Variants in DTNA observed in about 807,000 individuals in gnomAD.
The protein encoded by DTNA is dystrophin-related protein 3.
DTNA carries 43 observed loss-of-function variants against 100.7 expected under a neutral mutation model. The ratio of observed to expected loss-of-function variants is 0.43; its 90% CI spans 0.33 to 0.55. DTNA has a LOEUF of 0.55. Ranked by LOEUF, DTNA falls within the 20% of genes least tolerant of loss-of-function variation. The pLI, the probability that DTNA is intolerant of heterozygous loss-of-function variation, is 0.04. For synonymous variants in DTNA, 349 were observed against 347.9 expected, an observed-to-expected ratio of 1.00 and a Z score of -0.04; for missense variants, 798 against 953.9, an observed-to-expected ratio of 0.84 and a Z score of 2.15.
intron 8 of DTNA, among the ~76,000 whole-genome samples, chr18:34,819,287 T>C (rs1354002173): frequency 6.6e-6 from 1 of 152,240 alleles, no homozygotes; most frequent in Non-Finnish European, 1.5e-5. Context: ...GGAATTATTA[T>C]TGGGAACCAA....
chr18:34,825,330 A>G, intron 9 of DTNA: 1 of 1,609,324 alleles, frequency 6.2e-7, no homozygotes, highest in Non-Finnish European at 8.5e-7. Context: ...TCATGATCAT[A>G]AGTGGGGATG....
At chr18:34,809,279 G>A (rs1786026558) in intron 5 of DTNA, among the ~76,000 whole-genome samples, 1 of 152,080 alleles carries the variant, frequency 6.6e-6, no homozygotes, top group Non-Finnish European at 1.5e-5. Flanking sequence ...TCTTTTGCTG[G>A]CTTGCATTTT....
At chr18:34,629,367 C>T in intron 1 of DTNA, among the ~76,000 whole-genome samples, 1 of 152,172 alleles carries the variant, frequency 6.6e-6, no homozygotes, top group East Asian at 1.9e-4. Context: ...GTACAAAGAG[C>T]CAGTAAGTGT....
At chr18:34,846,664 GA>G (rs536450223) in intron 13 of DTNA, among the ~76,000 whole-genome samples, 65 of 145,228 alleles carry the variant, frequency 4.5e-4, no homozygotes, top group African/African-American at 1.4e-3. Flanking sequence ...TGAATGACCA[GA>G]AAAAAAAAAC....
intron 16 of DTNA, 24 bp downstream of exon 16, chr18:34,858,422 C>A (rs1185307479): frequency 1.1e-5 from 17 of 1,607,054 alleles, no homozygotes; most frequent in Middle Eastern, 1.7e-4. Flanking sequence ...CCCATGTCAT[C>A]TCAGGGAATA....
At chr18:34,652,065 CAAAA>C (rs1352298444) in intron 1 of DTNA, among the ~76,000 whole-genome samples, 3 of 144,940 alleles carry the variant, frequency 2.1e-5, no homozygotes, top group Non-Finnish European at 3.0e-5. Flanking sequence ...GACCCTGTCT[CAAAA>C]GAAAGAAAAG....
At position 34,766,529 on chromosome 18, in the gene DTNA, G is replaced by C. The variant is rs530485700; in HGVS notation, c.148+488G>C. Among the ~76,000 whole-genome samples the C allele has an allele frequency of 6.4e-3, 973 of 152,004 alleles. 6 individuals carry two copies. Among genetic ancestry groups the C allele is most frequent in the African/African-American group, 0.023 (932 of 41,420 alleles). On this transcript the variant is annotated intron_variant, in intron 3 of 22. Transcript: ENST00000444659. The stretch of plus-strand genomic sequence containing the variant: ...CACACTCCGGGGCCTGTTGTGGTGT[G>C]GGAGGAAGGGGGAGGGATAGCATTA...
intron 3 of DTNA, among the ~76,000 whole-genome samples, chr18:34,780,629 CTTCAAACAT>C (rs2094277889): frequency 6.6e-6 from 1 of 152,120 alleles, no homozygotes; most frequent in South Asian, 2.1e-4. Flanking sequence ...TCAGAATCTG[CTTCAAACAT>C]GGTCATAATC....
intron 1 of DTNA, among the ~76,000 whole-genome samples, chr18:34,530,560 C>T (rs1188597311): frequency 2.6e-5 from 4 of 152,034 alleles, no homozygotes; most frequent in Non-Finnish European, 5.9e-5. Context: ...TCATATTATA[C>T]ATGGAAAAGC....
chr18:34,614,263 A>G (rs752444506), intron 1 of DTNA, among the ~76,000 whole-genome samples: 37 of 152,224 alleles, frequency 2.4e-4, no homozygotes, highest in Non-Finnish European at 4.0e-4. Flanking sequence ...CTCATTGACA[A>G]TGCACCTGGA....
intron 1 of DTNA, among the ~76,000 whole-genome samples, chr18:34,638,710 A>T (rs2058923609): frequency 6.6e-6 from 1 of 152,164 alleles, no homozygotes; most frequent in African/African-American, 2.4e-5. Flanking sequence ...GAAAAATATG[A>T]TACTCATGCC....
intron 1 of DTNA, among the ~76,000 whole-genome samples, chr18:34,497,379 A>G (rs1321287132): frequency 1.3e-5 from 2 of 152,188 alleles, no homozygotes; most frequent in African/African-American, 4.8e-5. Flanking sequence ...TTGAACATGT[A>G]CTGTATACTG....
chr18:34,769,725 C>CTTTTTTTTTTTTTTTTTTTTTTTTTTTT (rs61242937), intron 3 of DTNA, among the ~76,000 whole-genome samples: 586 of 53,708 alleles, frequency 0.011, 187 homozygotes, highest in East Asian at 0.023. Context: ...CCCTCTGGGG[C>CTTTTTTTTTTTTTTTTTTTTTTTTTTTT]TTTTTTTTTT....
intron 1 of DTNA, among the ~76,000 whole-genome samples, chr18:34,685,115 G>C (rs965089934): frequency 6.6e-6 from 1 of 152,180 alleles, no homozygotes; most frequent in Non-Finnish European, 1.5e-5. Flanking sequence ...TCTGCTGATA[G>C]TTTCTTTTAC....
At chr18:34,517,569 G>C (rs1262614296) in intron 1 of DTNA, among the ~76,000 whole-genome samples, 1 of 151,486 alleles carries the variant, frequency 6.6e-6, no homozygotes, top group African/African-American at 2.4e-5. Context: ...GTTCCATAGT[G>C]CTGCTCTTTT....
intron 4 of DTNA, among the ~76,000 whole-genome samples, chr18:34,797,490 C>T (rs1328620366): frequency 6.6e-6 from 1 of 152,128 alleles, no homozygotes; most frequent in East Asian, 1.9e-4. Flanking sequence ...CAGGAGCCTT[C>T]CGCTCCTCTG....
chr18:34,782,801 G>A (rs1292570629), intron 3 of DTNA, among the ~76,000 whole-genome samples: 1 of 152,160 alleles, frequency 6.6e-6, no homozygotes, highest in Non-Finnish European at 1.5e-5. Context: ...AGCCTGTTGG[G>A]TTTTACTCAA....
chr18:34,650,209 C>T (rs1361565724), intron 1 of DTNA, among the ~76,000 whole-genome samples: 1 of 152,116 alleles, frequency 6.6e-6, no homozygotes, highest in Non-Finnish European at 1.5e-5. Context: ...TCTTCACTTC[C>T]TGAAAGCCAA....
At chr18:34,771,900 T>A (rs1372106793) in intron 3 of DTNA, among the ~76,000 whole-genome samples, 1 of 152,152 alleles carries the variant, frequency 6.6e-6, no homozygotes, top group East Asian at 1.9e-4. Flanking sequence ...ATAACATTAT[T>A]TCCTTGGTCA....
Sources: allele counts gnomAD v4.1 joint callset (sites outside exome capture counted in the v4.1 genomes callset), GRCh38; gene constraint gnomAD v4.1.1; transcripts MANE v1.5; gene names NCBI Gene and HGNC (gene_info 2026-07-23, HGNC 2026-07-21).